Variants in SHROOM4 observed in about 807,000 individuals in gnomAD.
SHROOM4 encodes the protein shroom family member 4.
A neutral mutation model predicts 80.3 loss-of-function variants in SHROOM4; 17 were observed. The ratio of observed to expected loss-of-function variants is 0.21; its 90% CI spans 0.14 to 0.32. The LOEUF is 0.32. Ranked by LOEUF, SHROOM4 falls within the 10% of genes least tolerant of loss-of-function variation. The probability of loss-of-function intolerance (pLI) is 1.00; values close to 1 mark genes in which losing one functional copy is unlikely to be tolerated. For synonymous variants in SHROOM4, 400 were observed against 437.5 expected, an observed-to-expected ratio of 0.91 and a Z score of 1.07; for missense variants, 993 against 1,140.3, an observed-to-expected ratio of 0.87 and a Z score of 1.86.
chrX:50,696,786 G>C (rs1933381892), intron 1 of SHROOM4, among the ~76,000 whole-genome samples: 3 of 112,039 alleles, frequency 2.7e-5, no homozygotes, highest in African/African-American at 6.5e-5. Context: ...CCACTAACCA[G>C]GGCAATCTGG....
intron 5 of SHROOM4, among the ~76,000 whole-genome samples, chrX:50,626,727 G>A (rs1557253145): frequency 8.9e-6 from 1 of 111,991 alleles, no homozygotes; most frequent in Non-Finnish European, 1.9e-5. Flanking sequence ...GGAAGATAAA[G>A]CATAAGATAA....
At chrX:50,739,229 T>C (rs1390785304) in intron 1 of SHROOM4, among the ~76,000 whole-genome samples, 2 of 111,325 alleles carry the variant, frequency 1.8e-5, no homozygotes, top group African/African-American at 3.3e-5. Context: ...ATAAAAACCC[T>C]AGAAGAAAAC....
intron 4 of SHROOM4, among the ~76,000 whole-genome samples, chrX:50,629,931 G>A (rs781807805): frequency 4.5e-5 from 5 of 110,596 alleles, no homozygotes; most frequent in Admixed American, 1.9e-4. Flanking sequence ...CTTGAGGGGG[G>A]TGGAGTAGGA....
At chrX:50,648,834 C>T (rs1481371567) in intron 2 of SHROOM4, among the ~76,000 whole-genome samples, 5 of 112,199 alleles carry the variant, frequency 4.5e-5, no homozygotes, top group African/African-American at 1.6e-4. Context: ...CCTTAAGAGT[C>T]AAGTTAAAGC....
At chrX:50,772,008 ATGTGTGTGTGTGTG>A (rs10581172) in intron 1 of SHROOM4, among the ~76,000 whole-genome samples, 1 of 103,068 alleles carries the variant, frequency 9.7e-6, no homozygotes, top group Admixed American at 1.1e-4. Context: ...CTTGTTTTTT[ATGTGTGTGTGTGTG>A]TGTGTGTGTG....
At chrX:50,755,165 T>C (rs782528380) in intron 1 of SHROOM4, among the ~76,000 whole-genome samples, 3 of 112,555 alleles carry the variant, frequency 2.7e-5, no homozygotes, top group African/African-American at 9.7e-5. Flanking sequence ...CAATTGCCTC[T>C]TAGTGGAGGG....
chrX:50,789,211 C>A (rs1935808873), intron 1 of SHROOM4, among the ~76,000 whole-genome samples: 1 of 111,637 alleles, frequency 9.0e-6, no homozygotes, highest in Admixed American at 9.5e-5. Context: ...AATATACATT[C>A]TTTTCAAGTA....
At position 50,607,561 on chromosome X, in the gene SHROOM4, G is replaced by A. The variant is rs375262301; in HGVS notation, c.3581C>T (p.Ser1194Leu). The A allele has an allele frequency of 8.3e-6, 10 of 1,208,976 alleles. No individual in the cohort carries two copies. In the East Asian group the frequency reaches 1.2e-4, roughly 14 times the overall value. Residue 1194 changes from serine (S) to leucine (L), a missense_variant, in exon 6 of 9, where the codon TCG becomes TTG. Coordinates refer to ENST00000376020, the MANE Select transcript of SHROOM4 (RefSeq NM_020717.5). ...QPLSFGHLEGSRQGSQSVPAE... is the reference protein window; with the variant it reads ...QPLSFGHLEGLRQGSQSVPAE... ...TGGGACACTTTGTGAACCCTGTCTC[G>A]AGCCCTCCAGGTGGCCAAAGCTGAG...
rs1269369331 is a variant in SHROOM4 at position 50,591,952 on chromosome X, C to T, written c.*4743G>A. ...CAGGATGGTCTTGATCTCCTGACCTCGTGATCCACCTGCCTCGGCCTCCCA... is the reference window on the plus strand; with the variant it reads ...CAGGATGGTCTTGATCTCCTGACCTTGTGATCCACCTGCCTCGGCCTCCCA... On this transcript the variant is annotated 3_prime_UTR_variant, in exon 9 of 9. Transcript: ENST00000376020. The T allele has an allele frequency of 4.6e-5, 15 of 327,176 alleles. No homozygotes were observed. Among genetic ancestry groups the T allele is most frequent in the Admixed American group, 2.2e-4 (7 of 31,938 alleles). The allele number at this position is 327,176 out of a possible 1,213,427, so 27.0% of individuals were successfully genotyped here.
chrX:50,678,636 A>AT (rs1932886541), intron 2 of SHROOM4, among the ~76,000 whole-genome samples: 1 of 111,352 alleles, frequency 9.0e-6, no homozygotes, highest in Non-Finnish European at 1.9e-5. Flanking sequence ...TTCCTCAGTG[A>AT]TTTTTTTCTA....
At chrX:50,685,476 G>A (rs782152616) in intron 2 of SHROOM4, among the ~76,000 whole-genome samples, 2 of 112,092 alleles carry the variant, frequency 1.8e-5, no homozygotes, top group South Asian at 3.7e-4. Context: ...CATAAAAGAT[G>A]AATTGGCAGA....
At chrX:50,813,158 A>ACTG (rs1936378271) in intron 1 of SHROOM4, among the ~76,000 whole-genome samples, 1 of 65,858 alleles carries the variant, frequency 1.5e-5, no homozygotes, top group African/African-American at 4.9e-5. Flanking sequence ...CGGCGGCGGC[A>ACTG]GTGGCGGCGG....
In SHROOM4 at chrX:50,710,687, A is replaced by G. The variant is rs979402389; in HGVS notation, c.118-14750T>C. 3.6e-5 allele frequency among the ~76,000 whole-genome samples: 4 copies of G among 111,978 alleles called. No homozygotes were observed. The Admixed American group carries it at 3.8e-4, about 11-fold the overall frequency. ...AAGTTGAAATTATTTTTAAAAATGT[A>G]TACACATATAAAAAATAAATAAAAA... On this transcript the variant is annotated intron_variant, in intron 1 of 8. Coordinates refer to ENST00000376020, the MANE Select transcript of SHROOM4 (RefSeq NM_020717.5).
chrX:50,647,053 AGAT>A (rs1296305243), intron 2 of SHROOM4, among the ~76,000 whole-genome samples: 1 of 111,995 alleles, frequency 8.9e-6, no homozygotes, highest in African/African-American at 3.2e-5. Flanking sequence ...GTAACCATAC[AGAT>A]GACTCGGGAA....
intron 1 of SHROOM4, among the ~76,000 whole-genome samples, chrX:50,737,323 A>G (rs1450726270): frequency 9.0e-6 from 1 of 111,254 alleles, no homozygotes; most frequent in Non-Finnish European, 1.9e-5. Flanking sequence ...GTCATGACAC[A>G]TACAGAAAAA....
chrX:50,739,013 C>T (rs1934576456), intron 1 of SHROOM4, among the ~76,000 whole-genome samples: 1 of 111,292 alleles, frequency 9.0e-6, no homozygotes, highest in African/African-American at 3.3e-5. Context: ...ACAGAGCCCT[C>T]AGAAATAATA....
chrX:50,679,915 CTT>C (rs1932906682), intron 2 of SHROOM4, among the ~76,000 whole-genome samples: 1 of 112,088 alleles, frequency 8.9e-6, no homozygotes, highest in Admixed American at 9.5e-5. Context: ...CATAGAAAGA[CTT>C]ACTACCTTCA....
intron 1 of SHROOM4, 123 bp downstream of exon 1, chrX:50,813,779 G>T: frequency 1.9e-6 from 1 of 519,514 alleles, no homozygotes; most frequent in Non-Finnish European, 3.4e-6. Flanking sequence ...GCCGCTCAGA[G>T]GGTCTTTCGC....
At chrX:50,751,853 C>T (rs782196568) in intron 1 of SHROOM4, among the ~76,000 whole-genome samples, 39 of 111,717 alleles carry the variant, frequency 3.5e-4, no homozygotes, top group Non-Finnish European at 6.8e-4. Flanking sequence ...GTTTGAACCC[C>T]ACTCCCGAGC....
Sources: gnomAD v4.1 joint callset for allele counts (sites outside exome capture counted in the v4.1 genomes callset) on GRCh38, gnomAD v4.1.1 for gene constraint, MANE v1.5 for transcripts, NCBI Gene and HGNC (gene_info 2026-07-23, HGNC 2026-07-21) for gene names.